STPG2: variants seen among roughly 807,000 people sequenced by gnomAD.
STPG2 encodes sperm-tail PG-rich repeat-containing protein 2.
A neutral mutation model predicts 54.2 loss-of-function variants in STPG2; 56 were observed. The observed-to-expected ratio is 1.03, with a 90% CI of 0.83 to 1.29. The LOEUF is 1.29. Ranked by LOEUF, STPG2 falls within the 50% of genes most tolerant of loss-of-function variation. The probability of loss-of-function intolerance (pLI) is 0.00; values close to 1 mark genes in which losing one functional copy is unlikely to be tolerated. For missense variants in STPG2, 596 were observed against 544.9 expected, an observed-to-expected ratio of 1.09 and a Z score of -0.93; for synonymous variants, 200 against 181.8, an observed-to-expected ratio of 1.10 and a Z score of -0.81.
At chr4:97,869,920 C>A (rs17027019) in intron 8 of STPG2, among the ~76,000 whole-genome samples, 24,434 of 151,438 alleles carry the variant, frequency 0.16, 2,139 homozygotes, top group East Asian at 0.36. Context: ...TTGGCAGAGT[C>A]AGGACAAGAA....
chr4:97,894,989 A>T (rs1381152479), intron 8 of STPG2, among the ~76,000 whole-genome samples: 1 of 151,960 alleles, frequency 6.6e-6, no homozygotes, highest in East Asian at 1.9e-4. Flanking sequence ...TAAAGTTTTT[A>T]AATAAATATG....
intron 4 of STPG2, among the ~76,000 whole-genome samples, chr4:97,537,271 G>A (rs923226751): frequency 2.6e-5 from 4 of 152,158 alleles, no homozygotes; most frequent in Non-Finnish European, 4.4e-5. Context: ...GAAGCACAAG[G>A]GGTCAGGGAA....
intron 4 of STPG2, among the ~76,000 whole-genome samples, chr4:97,452,111 CCCG>C (rs1729385840): frequency 3.4e-5 from 1 of 29,698 alleles, no homozygotes; most frequent in African/African-American, 1.2e-4. Context: ...AGGCAGGAGC[CCCG>C]CCCCCACCCC....
chr4:97,937,727 CT>C (rs1335503325), intron 8 of STPG2, among the ~76,000 whole-genome samples: 3 of 152,130 alleles, frequency 2.0e-5, no homozygotes, highest in Non-Finnish European at 4.4e-5. Flanking sequence ...CCTGAGGAGG[CT>C]GAAGAACAGC....
At chr4:97,955,011 T>C (rs988646989) in intron 7 of STPG2, among the ~76,000 whole-genome samples, 7 of 152,044 alleles carry the variant, frequency 4.6e-5, no homozygotes, top group Admixed American at 4.6e-4. Context: ...TCGTAAATAA[T>C]TTGTCCTGAG....
intron 3 of STPG2, among the ~76,000 whole-genome samples, chr4:98,116,881 A>T (rs921365431): frequency 1.3e-5 from 2 of 151,992 alleles, no homozygotes; most frequent in African/African-American, 4.8e-5. Flanking sequence ...TTATAGCATG[A>T]AACAATCCAT....
intron 10 of STPG2, among the ~76,000 whole-genome samples, chr4:97,626,427 T>G (rs1200022159): frequency 6.6e-6 from 1 of 152,200 alleles, no homozygotes; most frequent in African/African-American, 2.4e-5. Flanking sequence ...AACTCCTGTT[T>G]CCACCTAAAC....
At chr4:97,826,174 G>A (rs1331351187) in intron 9 of STPG2, among the ~76,000 whole-genome samples, 2 of 152,266 alleles carry the variant, frequency 1.3e-5, no homozygotes, top group African/African-American at 2.4e-5. Flanking sequence ...AAAAGAAAAA[G>A]TTGCTAAGAG....
chr4:97,700,980 G>C (rs923523497), intron 10 of STPG2, among the ~76,000 whole-genome samples: 5 of 152,216 alleles, frequency 3.3e-5, no homozygotes, highest in African/African-American at 7.2e-5. Flanking sequence ...AGATCCATCT[G>C]TCTTCCTCAC....
At chr4:97,666,158 C>A (rs1722517776) in intron 10 of STPG2, among the ~76,000 whole-genome samples, 1 of 152,116 alleles carries the variant, frequency 6.6e-6, no homozygotes, top group Non-Finnish European at 1.5e-5. Context: ...GCAGTTGCAC[C>A]CAGGGAGCAT....
intron 8 of STPG2, among the ~76,000 whole-genome samples, chr4:97,924,679 G>T (rs762358823): frequency 1.3e-5 from 2 of 152,162 alleles, no homozygotes; most frequent in Admixed American, 6.5e-5. Context: ...GACATTTGAA[G>T]TCAATTTTTA....
chr4:97,857,913 T>C (rs1376784537), intron 8 of STPG2, among the ~76,000 whole-genome samples: 1 of 151,964 alleles, frequency 6.6e-6, no homozygotes, highest in Non-Finnish European at 1.5e-5. Context: ...GAGGATTGCA[T>C]CACACTTTCC....
chr4:97,524,291 A>G (rs980098470), intron 4 of STPG2, among the ~76,000 whole-genome samples: 5 of 151,936 alleles, frequency 3.3e-5, no homozygotes, highest in Non-Finnish European at 5.9e-5. Flanking sequence ...AAATTCCTCA[A>G]CTTATCACTA....
intron 8 of STPG2, among the ~76,000 whole-genome samples, chr4:97,866,655 T>C (rs1427548078): frequency 6.6e-6 from 1 of 152,000 alleles, no homozygotes; most frequent in African/African-American, 2.4e-5. Context: ...AGAATATAGA[T>C]GGGATCATAA....
intron 10 of STPG2, among the ~76,000 whole-genome samples, chr4:97,686,941 AT>A (rs1345242792): frequency 5.4e-4 from 31 of 57,796 alleles, no homozygotes; most frequent in South Asian, 1.1e-3. Context: ...TATTATTATT[AT>A]TTTTTTTTTT....
chr4:97,720,697 T>C (rs901871172), intron 9 of STPG2, among the ~76,000 whole-genome samples: 4 of 151,982 alleles, frequency 2.6e-5, no homozygotes, highest in African/African-American at 9.7e-5. Context: ...AATTTTTGTT[T>C]TACCCATATA....
intron 7 of STPG2, among the ~76,000 whole-genome samples, chr4:97,955,083 A>C (rs1019068866): frequency 6.6e-6 from 1 of 152,218 alleles, no homozygotes; most frequent in Non-Finnish European, 1.5e-5. Flanking sequence ...ACAATATCTG[A>C]AATTAAGAAC....
intron 5 of STPG2, among the ~76,000 whole-genome samples, chr4:98,073,764 G>A (rs900784509): frequency 1.3e-5 from 2 of 151,862 alleles, no homozygotes; most frequent in Non-Finnish European, 2.9e-5. Context: ...ATAAAATTAA[G>A]GATAAAATAC....
chr4:97,865,681 T>C (rs758666817), intron 8 of STPG2, among the ~76,000 whole-genome samples: 1 of 150,724 alleles, frequency 6.6e-6, no homozygotes, highest in Non-Finnish European at 1.5e-5. Flanking sequence ...AAGGGGAACA[T>C]GACACATCGG....
Sources: gnomAD v4.1 joint callset for allele counts (sites outside exome capture counted in the v4.1 genomes callset) on GRCh38, gnomAD v4.1.1 for gene constraint, MANE v1.5 for transcripts, NCBI Gene and HGNC (gene_info 2026-07-23, HGNC 2026-07-21) for gene names.